The following NRG3 variants were observed in gnomAD, a reference collection of about 807,000 sequenced individuals.
NRG3 encodes neuregulin 3, also known as pro-neuregulin-3, membrane-bound isoform.
NRG3 carries 31 observed loss-of-function variants against 66.9 expected under a neutral mutation model. The ratio of observed to expected loss-of-function variants is 0.46; its 90% CI spans 0.35 to 0.63. NRG3 has a LOEUF of 0.63. Among genes scored for constraint, NRG3 ranks in the 20% least tolerant of loss-of-function variants. The pLI, the probability that NRG3 is intolerant of heterozygous loss-of-function variation, is 0.00. For synonymous variants in NRG3, 393 were observed against 359.4 expected, an observed-to-expected ratio of 1.09 and a Z score of -1.06; for missense variants, 910 against 878.9, an observed-to-expected ratio of 1.04 and a Z score of -0.45.
At chr10:82,444,674 A>G (rs1388092264) in intron 2 of NRG3, among the ~76,000 whole-genome samples, 1 of 152,172 alleles carries the variant, frequency 6.6e-6, no homozygotes, top group Non-Finnish European at 1.5e-5. Context: ...AGGGAAAGAC[A>G]GGTGTGAAAG....
At chr10:82,413,387 G>C (rs564267365) in intron 2 of NRG3, among the ~76,000 whole-genome samples, 2 of 152,268 alleles carry the variant, frequency 1.3e-5, no homozygotes, top group Admixed American at 6.5e-5. Flanking sequence ...GGTCTCAATA[G>C]TGGGCTTAAA....
chr10:82,713,347 G>T (rs1335788772), intron 2 of NRG3, among the ~76,000 whole-genome samples: 1 of 152,074 alleles, frequency 6.6e-6, no homozygotes, highest in Non-Finnish European at 1.5e-5. Context: ...GACCAAGAAA[G>T]GGGTTGTTGC....
At chr10:82,787,162 T>C (rs2060403771) in intron 3 of NRG3, among the ~76,000 whole-genome samples, 1 of 152,326 alleles carries the variant, frequency 6.6e-6, no homozygotes, top group African/African-American at 2.4e-5. Context: ...TTTCAATACT[T>C]GCTCTGCAAC....
At chr10:82,865,493 T>G in intron 4 of NRG3, 56 bp downstream of exon 4, 1 of 1,506,114 alleles carries the variant, frequency 6.6e-7, no homozygotes, top group Non-Finnish European at 9.1e-7. Flanking sequence ...CTTTATGATG[T>G]ACATAGTGCT....
At chr10:82,146,930 C>T (rs958493660) in intron 1 of NRG3, among the ~76,000 whole-genome samples, 1 of 152,108 alleles carries the variant, frequency 6.6e-6, no homozygotes, top group African/African-American at 2.4e-5. Flanking sequence ...TGTCTGGGTC[C>T]AGCCAGCTAT....
At chr10:82,448,352 G>T (rs776438478) in intron 2 of NRG3, among the ~76,000 whole-genome samples, 4 of 152,142 alleles carry the variant, frequency 2.6e-5, no homozygotes, top group Non-Finnish European at 5.9e-5. Context: ...AATCATGTTT[G>T]CACTGCTTAA....
At chr10:82,638,486 C>T (rs561556879) in intron 2 of NRG3, among the ~76,000 whole-genome samples, 4 of 152,156 alleles carry the variant, frequency 2.6e-5, no homozygotes, top group East Asian at 1.9e-4. Flanking sequence ...TACATTTGCC[C>T]GGTTTGACCT....
chr10:81,995,821 C>G (rs954250398), intron 1 of NRG3, among the ~76,000 whole-genome samples: 1 of 152,110 alleles, frequency 6.6e-6, no homozygotes, highest in East Asian at 1.9e-4. Context: ...TCATCAGTAC[C>G]TTTTCTAGAT....
chr10:82,699,855 A>G (rs1480494233), intron 2 of NRG3, among the ~76,000 whole-genome samples: 1 of 133,236 alleles, frequency 7.5e-6, no homozygotes, highest in Non-Finnish European at 1.6e-5. Flanking sequence ...TATATGGATG[A>G]TCTGTGTGTG....
intron 1 of NRG3, among the ~76,000 whole-genome samples, chr10:82,098,287 TTA>T (rs925389802): frequency 9.2e-5 from 14 of 151,418 alleles, no homozygotes; most frequent in South Asian, 4.2e-4. Flanking sequence ...TATATGTCAT[TTA>T]TATATATGTC....
At chr10:81,915,372 A>C (rs1845580297) in intron 1 of NRG3, among the ~76,000 whole-genome samples, 1 of 152,132 alleles carries the variant, frequency 6.6e-6, no homozygotes, top group Non-Finnish European at 1.5e-5. Context: ...ATCATGGCAC[A>C]ATTACAGAAA....
intron 2 of NRG3, among the ~76,000 whole-genome samples, chr10:82,430,546 C>T (rs771432669): frequency 1.3e-5 from 2 of 152,128 alleles, no homozygotes; most frequent in Non-Finnish European, 2.9e-5. Context: ...TGTGAGCCAC[C>T]ACGCCCGACC....
chr10:82,722,195 T>C (rs2057358574), intron 2 of NRG3, among the ~76,000 whole-genome samples: 1 of 152,240 alleles, frequency 6.6e-6, no homozygotes, highest in African/African-American at 2.4e-5. Flanking sequence ...TTATGCCCTT[T>C]GATGTCTTAG....
chr10:82,450,094 A>G (rs987652680), intron 2 of NRG3, among the ~76,000 whole-genome samples: 2 of 152,234 alleles, frequency 1.3e-5, no homozygotes, highest in African/African-American at 4.8e-5. Context: ...TTACTTTTAT[A>G]CATCAAGTTC....
chr10:81,957,749 T>A (rs150899423), intron 1 of NRG3, among the ~76,000 whole-genome samples: 8 of 152,308 alleles, frequency 5.3e-5, no homozygotes, highest in African/African-American at 1.9e-4. Context: ...TTAGCACCAC[T>A]TGATAAATGA....
chr10:82,592,052 T>A (rs549647018), intron 2 of NRG3, among the ~76,000 whole-genome samples: 1 of 152,380 alleles, frequency 6.6e-6, no homozygotes, highest in East Asian at 1.9e-4. Flanking sequence ...GTGACATTTC[T>A]TTCCTTTTAT....
chr10:82,477,271 G>A (rs1375210930), intron 2 of NRG3, among the ~76,000 whole-genome samples: 4 of 152,182 alleles, frequency 2.6e-5, no homozygotes, highest in African/African-American at 9.7e-5. Flanking sequence ...GGGAGGAAAT[G>A]TCAAGTAGGG....
At chr10:82,132,468 G>GATATATATGATATATATATCATAT (rs1564593186) in intron 1 of NRG3, among the ~76,000 whole-genome samples, 3 of 119,918 alleles carry the variant, frequency 2.5e-5, no homozygotes, top group Non-Finnish European at 3.3e-5. Context: ...TGATATATAT[G>GATATATATGATATATATATCATAT]ATATATATAT....
intron 3 of NRG3, among the ~76,000 whole-genome samples, chr10:82,798,315 G>A (rs2060889342): frequency 6.6e-6 from 1 of 152,144 alleles, no homozygotes; most frequent in Non-Finnish European, 1.5e-5. Flanking sequence ...GCATTACCAG[G>A]TTGACATGTA....
Sources: allele counts gnomAD v4.1 joint callset (sites outside exome capture counted in the v4.1 genomes callset), GRCh38; gene constraint gnomAD v4.1.1; transcripts MANE v1.5; gene names NCBI Gene and HGNC (gene_info 2026-07-23, HGNC 2026-07-21).